The following FREM3 variants were observed in gnomAD, a reference collection of about 807,000 sequenced individuals.
The protein encoded by FREM3 is FRAS1-related extracellular matrix protein 3.
Under a neutral mutation model 129.1 loss-of-function variants are expected in FREM3, and 105 were observed. The observed-to-expected ratio is 0.81, with a 90% CI of 0.69 to 0.96. FREM3 has a LOEUF of 0.96. Among genes scored for constraint, FREM3 ranks in the 40% least tolerant of loss-of-function variants. FREM3 has a pLI of 0.00. For missense variants in FREM3, 2,593 were observed against 2,666.3 expected (o/e 0.97, Z 0.61); for synonymous variants, 1,014 against 1,044.9 (o/e 0.97, Z 0.57).
intron 2 of FREM3, among the ~76,000 whole-genome samples, chr4:143,641,431 A>G (rs908201710): frequency 3.9e-5 from 6 of 152,248 alleles, no homozygotes; most frequent in Non-Finnish European, 5.9e-5. Context: ...CCTTGGATCT[A>G]TCTAACAAAT....
chr4:143,698,276 C>T lies in FREM3; in HGVS notation c.2400G>A (p.Val800=), dbSNP rs772775470. 2.0e-6 allele frequency: 3 copies of T among 1,537,612 alleles called. 1 individual carries two copies. The highest frequency in any genetic ancestry group is 2.4e-5 in the South Asian group (2 of 84,066). Reference sequence around the variant, plus strand: ...CATCTTCCACCTGGTAAGTAAACTGCACAACCCGTGGTGCAATACCCAATT... The same window carrying T: ...CATCTTCCACCTGGTAAGTAAACTGTACAACCCGTGGTGCAATACCCAATT... ...PQKLGIAPRV[V]QFTYQVEDAA... The change falls in exon 1 of 8, where the codon GTG becomes GTA. Residue 800 remains valine (V), a synonymous_variant. Coordinates refer to ENST00000329798, the MANE Select transcript of FREM3 (RefSeq NM_001168235.2).
intron 2 of FREM3, among the ~76,000 whole-genome samples, chr4:143,659,543 C>T (rs1368172463): frequency 6.6e-5 from 10 of 151,258 alleles, no homozygotes; most frequent in South Asian, 4.2e-4. Context: ...AATAAACATA[C>T]GTGTGCATGT....
intron 6 of FREM3, among the ~76,000 whole-genome samples, chr4:143,599,340 G>A (rs1313242999): frequency 2.0e-5 from 3 of 152,142 alleles, no homozygotes; most frequent in Non-Finnish European, 2.9e-5. Flanking sequence ...CTGGAATCTG[G>A]AAATAATAGG....
At position 143,696,800 on chromosome 4, in the gene FREM3, G is replaced by T; in HGVS notation, c.3876C>A (p.His1292Gln). Residue 1292 changes from histidine (H) to glutamine (Q), a missense_variant, in exon 1 of 8, where the codon CAC (histidine) becomes CAA (glutamine). Coordinates refer to ENST00000329798, the MANE Select transcript of FREM3 (RefSeq NM_001168235.2). ...VWLSDGKHTT[H>Q]RKVPIVVTLV... ...GGGTCACTACAATGGGTACCTTCCT[G>T]TGGGTTGTGTGCTTGCCGTCACTCA... 1 of 1,537,812 alleles carries T rather than the reference G, an allele frequency of 6.5e-7. No homozygotes were observed. The highest frequency in any genetic ancestry group is 8.7e-7 in the Non-Finnish European group (1 of 1,147,056).
intron 2 of FREM3, among the ~76,000 whole-genome samples, chr4:143,644,396 T>A (rs1323893737): frequency 6.6e-6 from 1 of 152,188 alleles, no homozygotes; most frequent in Non-Finnish European, 1.5e-5. Context: ...ATATAAAGAA[T>A]GAGTATCTAA....
intron 6 of FREM3, among the ~76,000 whole-genome samples, chr4:143,606,852 A>G (rs1033193846): frequency 1.3e-5 from 2 of 152,172 alleles, no homozygotes; most frequent in Non-Finnish European, 2.9e-5. Flanking sequence ...CTTAGGTAAT[A>G]CTATATTGCA....
intron 2 of FREM3, among the ~76,000 whole-genome samples, chr4:143,654,562 C>T (rs16998609): frequency 0.052 from 7,869 of 152,224 alleles, 485 homozygotes; most frequent in East Asian, 0.2. Flanking sequence ...CCAAATTCTC[C>T]GGGGAAAATG....
At position 143,698,305 on chromosome 4, in the gene FREM3, G is replaced by C; in HGVS notation, c.2371C>G (p.Gln791Glu). 6.5e-7 allele frequency: 1 copy of C among 1,537,756 alleles called. No homozygotes were observed. The highest frequency in any genetic ancestry group is 8.7e-7 in the Non-Finnish European group (1 of 1,147,024). ...ACCCGTGGTGCAATACCCAATTTCT[G>C]TGGAGGCTGGTAGGCAACTTTATGC... is the stretch of plus-strand genomic sequence containing the variant. ...NQHKVAYQPP[Q>E]KLGIAPRVVQ... Residue 791 changes from glutamine (Q) to glutamate (E), a missense_variant, in exon 1 of 8, where the codon CAG (glutamine) becomes GAG (glutamate). Transcript: ENST00000329798.
intron 5 of FREM3, among the ~76,000 whole-genome samples, chr4:143,613,502 G>A (rs1738795618): frequency 6.6e-6 from 1 of 152,164 alleles, no homozygotes; most frequent in African/African-American, 2.4e-5. Context: ...CAGTTAAATG[G>A]GGAAAGAGGT....
rs114641358 is a variant in FREM3 at position 143,646,781 on chromosome 4, C to T, written c.5276-19021G>A. On this transcript the variant is annotated intron_variant, in intron 2 of 7. Coordinates refer to ENST00000329798, the MANE Select transcript of FREM3 (RefSeq NM_001168235.2). ...GACTAATGCAGTAAATTTGATACTG[C>T]AGAGAGTGGGGTTCTTCTATAAAGA... Among the ~76,000 whole-genome samples, 736 of 152,266 alleles carry T rather than the reference C, an allele frequency of 4.8e-3. 11 individuals carry two copies. The highest frequency in any genetic ancestry group is 0.016 in the African/African-American group (681 of 41,542).
chr4:143,660,654 A>T (rs1739695207), intron 2 of FREM3, among the ~76,000 whole-genome samples: 1 of 152,128 alleles, frequency 6.6e-6, no homozygotes, highest in Non-Finnish European at 1.5e-5. Context: ...CATGGCACTG[A>T]ATCTATAAAT....
chr4:143,636,188 T>A (rs1739230681), intron 2 of FREM3, among the ~76,000 whole-genome samples: 1 of 147,312 alleles, frequency 6.8e-6, no homozygotes. Flanking sequence ...CTACATAGAA[T>A]AAAATTGATG....
chr4:143,675,816 G>A (rs993879020), intron 2 of FREM3, among the ~76,000 whole-genome samples: 7 of 152,166 alleles, frequency 4.6e-5, no homozygotes, highest in South Asian at 2.1e-4. Context: ...TCCTCCACAC[G>A]TACACCCTCC....
intron 7 of FREM3, among the ~76,000 whole-genome samples, chr4:143,584,176 G>A (rs1362961777): frequency 2.6e-5 from 4 of 152,112 alleles, no homozygotes; most frequent in South Asian, 4.1e-4. Flanking sequence ...TTGGGAGGCC[G>A]AGGCGGGTGG....
chr4:143,694,038 C>T (rs992678071), intron 1 of FREM3, among the ~76,000 whole-genome samples: 3 of 152,130 alleles, frequency 2.0e-5, no homozygotes, highest in African/African-American at 7.2e-5. Context: ...GAAAAGATAA[C>T]GACTGGGTAC....
intron 5 of FREM3, among the ~76,000 whole-genome samples, chr4:143,619,032 A>G (rs141749338): frequency 1.6e-4 from 25 of 152,210 alleles, no homozygotes; most frequent in Admixed American, 9.8e-4. Flanking sequence ...CTATAATAAC[A>G]TTGCTTAAAG....
chr4:143,635,292 A>AGAATAGCTTGAAGCATAAGTAT (rs1739214807), intron 2 of FREM3, among the ~76,000 whole-genome samples: 1 of 152,226 alleles, frequency 6.6e-6, no homozygotes, highest in Non-Finnish European at 1.5e-5. Context: ...GAAGTAAAAA[A>AGAATAGCTTGAAGCATAAGTAT]GAATAGCTTG....
intron 6 of FREM3, among the ~76,000 whole-genome samples, chr4:143,593,318 T>G (rs1290365710): frequency 1.3e-5 from 2 of 152,228 alleles, no homozygotes; most frequent in Admixed American, 6.5e-5. Context: ...GCTCTGATTT[T>G]TAGAGTTTCT....
In FREM3 at chr4:143,609,153, G is replaced by A. The variant is rs117051829; in HGVS notation, c.6028+2126C>T. 2.8e-4 allele frequency among the ~76,000 whole-genome samples: 43 copies of A among 152,246 alleles called. No homozygotes were observed. In the East Asian group the frequency reaches 6.2e-3, roughly 22 times the overall value. ...AGCCAAGGTTACCCAGAGAGAGTGT[G>A]TCTCAGGCTTAGAATCCAAGTCTCC... On this transcript the variant is annotated intron_variant, in intron 6 of 7. Transcript: ENST00000329798.
Sources: allele counts gnomAD v4.1 joint callset (sites outside exome capture counted in the v4.1 genomes callset), GRCh38; gene constraint gnomAD v4.1.1; transcripts MANE v1.5; gene names NCBI Gene and HGNC (gene_info 2026-07-23, HGNC 2026-07-21).